ASAH2: variants seen among roughly 807,000 people sequenced by gnomAD.
ASAH2 encodes neutral ceramidase.
Under a neutral mutation model 82.9 loss-of-function variants are expected in ASAH2, and 58 were observed. The ratio of observed to expected loss-of-function variants is 0.70; its 90% confidence interval spans 0.57 to 0.87. The LOEUF is 0.87. Ranked by LOEUF, ASAH2 falls within the 40% of genes least tolerant of loss-of-function variation. ASAH2 has a pLI of 0.00. For synonymous variants in ASAH2, 276 were observed against 289.7 expected (o/e 0.95, Z 0.48); for missense variants, 779 against 834.0 (o/e 0.93, Z 0.81).
intron 4 of ASAH2, among the ~76,000 whole-genome samples, chr10:50,242,502 C>T (rs1846328606): frequency 6.6e-6 from 1 of 152,214 alleles, no homozygotes; most frequent in African/African-American, 2.4e-5. Flanking sequence ...ATTAACAGAA[C>T]ACATTCTCTC....
intron 16 of ASAH2, among the ~76,000 whole-genome samples, chr10:50,199,809 G>T (rs1303938126): frequency 2.0e-5 from 3 of 151,240 alleles, no homozygotes; most frequent in Non-Finnish European, 2.9e-5. Flanking sequence ...CTCCACATCC[G>T]GTAATTCTGT....
chr10:50,212,961 C>A lies in ASAH2; in HGVS notation c.1227+11G>T. 1 of 1,611,472 alleles carries A rather than the reference C, an allele frequency of 6.2e-7. No homozygotes were observed. The highest frequency in any genetic ancestry group is 8.5e-7 in the Non-Finnish European group (1 of 1,177,692). On this transcript the variant is annotated intron_variant, in intron 10 of 20. Transcript: ENST00000682911. Reference sequence around the variant, plus strand: ...TAAACAAAGATTAAAGGAGCGAGGCCCATGGCTTACCTTTGCTCTCTGATA... The same window carrying A: ...TAAACAAAGATTAAAGGAGCGAGGCACATGGCTTACCTTTGCTCTCTGATA...
At chr10:50,227,519 C>A (rs1379660220) in intron 7 of ASAH2, among the ~76,000 whole-genome samples, 2 of 152,048 alleles carry the variant, frequency 1.3e-5, no homozygotes, top group African/African-American at 4.8e-5. Context: ...TGAATATTAA[C>A]CATGATTGAT....
At chr10:50,240,586 C>T in intron 4 of ASAH2, 1 of 702,182 alleles carries the variant, frequency 1.4e-6, no homozygotes, top group South Asian at 1.5e-5. Flanking sequence ...CATCTCAAGG[C>T]CCTCTGCAAT....
At chr10:50,225,728 T>G (rs1454479554) in intron 7 of ASAH2, among the ~76,000 whole-genome samples, 1 of 152,162 alleles carries the variant, frequency 6.6e-6, no homozygotes. Context: ...AACATTCTCT[T>G]TGGCTCAGGA....
chr10:50,237,650 G>T (rs2133227759), intron 4 of ASAH2, among the ~76,000 whole-genome samples: 1 of 152,296 alleles, frequency 6.6e-6, no homozygotes, highest in Non-Finnish European at 1.5e-5. Flanking sequence ...CCAAATGCAT[G>T]ACTAATGTCT....
At chr10:50,236,565 C>T (rs1211943718) in intron 4 of ASAH2, among the ~76,000 whole-genome samples, 8 of 152,064 alleles carry the variant, frequency 5.3e-5, no homozygotes, top group Admixed American at 5.2e-4. Context: ...AATGGCCCCT[C>T]ACTGTATGTT....
intron 7 of ASAH2, among the ~76,000 whole-genome samples, chr10:50,223,407 T>C (rs971449178): frequency 4.6e-5 from 7 of 152,142 alleles, no homozygotes; most frequent in African/African-American, 7.2e-5. Context: ...ATCCAGCCTC[T>C]GTGCAGCTCA....
intron 18 of ASAH2, among the ~76,000 whole-genome samples, chr10:50,194,326 T>C (rs78525559): frequency 0.21 from 31,647 of 151,256 alleles, 4,146 homozygotes; most frequent in East Asian, 0.39. Context: ...TGATACGGCA[T>C]TTATTTAACA....
chr10:50,214,427 A>G (rs1433898708), intron 9 of ASAH2, among the ~76,000 whole-genome samples: 7 of 152,174 alleles, frequency 4.6e-5, no homozygotes, highest in African/African-American at 1.4e-4. Context: ...TTTTACTACA[A>G]ACTTGTGACT....
At chr10:50,221,076 T>C (rs1845732163) in intron 7 of ASAH2, among the ~76,000 whole-genome samples, 1 of 152,178 alleles carries the variant, frequency 6.6e-6, no homozygotes, top group Non-Finnish European at 1.5e-5. Context: ...GACATGGCTA[T>C]TTGCCCCTGT....
intron 8 of ASAH2, among the ~76,000 whole-genome samples, chr10:50,217,800 A>G (rs1845645200): frequency 6.6e-6 from 1 of 152,188 alleles, no homozygotes; most frequent in Non-Finnish European, 1.5e-5. Flanking sequence ...ATTGTAGGTA[A>G]GGGCCTGGGA....
intron 7 of ASAH2, among the ~76,000 whole-genome samples, chr10:50,228,984 G>A (rs1002132674): frequency 5.3e-5 from 8 of 152,110 alleles, no homozygotes; most frequent in South Asian, 2.1e-4. Context: ...GAAATAAGTC[G>A]GCCTCCTCAC....
At chr10:50,211,157 A>G in intron 10 of ASAH2, 23 bp from the exon 11 acceptor site, 1 of 1,564,512 alleles carries the variant, frequency 6.4e-7, no homozygotes, top group Non-Finnish European at 8.8e-7. Context: ...CAGGCTTATT[A>G]TTCCAAGCAA....
intron 1 of ASAH2, among the ~76,000 whole-genome samples, chr10:50,249,145 C>T (rs1215055088): frequency 1.3e-5 from 2 of 152,086 alleles, no homozygotes; most frequent in East Asian, 1.9e-4. Flanking sequence ...AGGTGAAACC[C>T]GTAACTTTGG....
At chr10:50,242,457 G>A (rs113448834) in intron 4 of ASAH2, among the ~76,000 whole-genome samples, 4 of 152,286 alleles carry the variant, frequency 2.6e-5, no homozygotes, top group African/African-American at 7.2e-5. Flanking sequence ...TGCTCCAGCC[G>A]CTCTTCTTTC....
At chr10:50,246,229 C>T (rs949686185) in intron 2 of ASAH2, among the ~76,000 whole-genome samples, 2 of 152,130 alleles carry the variant, frequency 1.3e-5, no homozygotes, top group Non-Finnish European at 2.9e-5. Context: ...GAATCTACCA[C>T]TTACTAAGTG....
rs1845577026 is a variant in ASAH2, at chr10:50,215,776, A to G, written c.1015-908T>C. ...GATGATTCCTCAAGGATCTAGAACCAGAAATACCATCTAACCCAGCAATCC... is the reference window on the plus strand; with the variant it reads ...GATGATTCCTCAAGGATCTAGAACCGGAAATACCATCTAACCCAGCAATCC... On this transcript the variant is annotated intron_variant, in intron 8 of 20. Transcript: ENST00000682911. Among the ~76,000 whole-genome samples the G allele has an allele frequency of 2.0e-5, 3 of 152,194 alleles. No individual in the cohort carries two copies. In the South Asian group the frequency reaches 6.2e-4, roughly 31 times the overall value.
intron 17 of ASAH2, among the ~76,000 whole-genome samples, chr10:50,198,687 A>G (rs1167625044): frequency 6.6e-6 from 1 of 152,014 alleles, no homozygotes; most frequent in African/African-American, 2.4e-5. Flanking sequence ...TCCCAGGTGT[A>G]GTAAGCTTCA....
Sources: allele counts gnomAD v4.1 joint callset (sites outside exome capture counted in the v4.1 genomes callset), GRCh38; gene constraint gnomAD v4.1.1; transcripts MANE v1.5; gene names NCBI Gene and HGNC (gene_info 2026-07-23, HGNC 2026-07-21).